The following ZDHHC17 variants were observed in gnomAD, a reference collection of about 807,000 sequenced individuals.
The protein encoded by ZDHHC17 is palmitoyltransferase ZDHHC17.
ZDHHC17 carries 40 observed loss-of-function variants against 90.3 expected under a neutral mutation model. That is an observed-to-expected ratio of 0.44 (90% CI 0.34 to 0.58). The LOEUF is 0.58. Ranked by LOEUF, ZDHHC17 falls within the 20% of genes least tolerant of loss-of-function variation. The pLI, the probability that ZDHHC17 is intolerant of heterozygous loss-of-function variation, is 0.01. For synonymous variants in ZDHHC17, 235 were observed against 252.4 expected, an observed-to-expected ratio of 0.93 and a Z score of 0.65; for missense variants, 614 against 780.8, an observed-to-expected ratio of 0.79 and a Z score of 2.55.
intron 1 of ZDHHC17, among the ~76,000 whole-genome samples, chr12:76,791,928 G>A (rs1320683502): frequency 2.6e-5 from 4 of 152,156 alleles, no homozygotes; most frequent in African/African-American, 9.7e-5. Context: ...GAGATGTATG[G>A]GAGGAGGTCT....
intron 10 of ZDHHC17, among the ~76,000 whole-genome samples, chr12:76,832,325 A>T (rs1953313565): frequency 6.6e-6 from 1 of 152,208 alleles, no homozygotes. Context: ...TGCTTTTACC[A>T]CTTTTCTTGT....
rs987185073 is a variant in ZDHHC17, at chr12:76,834,237, T to C, written c.1141+5747T>C. On this transcript the variant is annotated intron_variant, in intron 10 of 16. Coordinates refer to ENST00000426126, the MANE Select transcript of ZDHHC17 (RefSeq NM_015336.4). ...AATTTTTTCTCTGACTATGCTTCTT[T>C]TATTATAATTAAACAAATCTAAAAT... Among the ~76,000 whole-genome samples, 4 of 152,326 alleles carry C rather than the reference T, an allele frequency of 2.6e-5. No homozygotes were observed. In the East Asian group the frequency reaches 7.7e-4, roughly 29 times the overall value.
At chr12:76,808,969 T>C in intron 3 of ZDHHC17, 74 bp from the exon 4 acceptor site, 1 of 910,656 alleles carries the variant, frequency 1.1e-6, no homozygotes, top group Non-Finnish European at 1.6e-6. Flanking sequence ...AAACATGTAT[T>C]TACATATTTT....
intron 1 of ZDHHC17, among the ~76,000 whole-genome samples, chr12:76,773,961 A>G (rs961004480): frequency 5.9e-5 from 9 of 152,322 alleles, no homozygotes; most frequent in South Asian, 2.1e-4. Flanking sequence ...GGTAAAATAT[A>G]CTTCTGGCTG....
rs1292346923 is a variant in ZDHHC17, at chr12:76,815,968, C to A, written c.720C>A (p.Val240=). The part of the protein sequence containing the change: ...HWAVLAGNTT[V]ISLLLEAGAN... ...CAGTGCTAGCAGGGAATACCACAGT[C>A]ATTAGCCTTCTTCTGGAAGCTGGAG... Residue 240 remains valine, a synonymous_variant, in exon 7 of 17, where the codon GTC becomes GTA. Coordinates refer to ENST00000426126, the MANE Select transcript of ZDHHC17 (RefSeq NM_015336.4). The A allele has an allele frequency of 1.3e-6, 2 of 1,572,898 alleles. No homozygotes were observed. Among genetic ancestry groups the A allele is most frequent in the East Asian group, 2.3e-5 (1 of 43,438 alleles).
In ZDHHC17 at chr12:76,764,261, A is replaced by G. The variant is rs1952399016; in HGVS notation, c.25A>G (p.Thr9Ala). The G allele has an allele frequency of 6.2e-7, 1 of 1,606,156 alleles. No homozygotes were observed. The highest frequency in any genetic ancestry group is 8.5e-7 in the Non-Finnish European group (1 of 1,176,436). MQREEGFN[T>A]KMADGPDEYD... ...CATGCAGCGGGAGGAGGGATTTAAC[A>G]CCAAGATGGCGGACGGCCCGGATGA... The change falls in exon 1 of 17, where the codon ACC becomes GCC. Residue 9 changes from threonine (T) to alanine (A), a missense_variant. By Grantham distance (58) the Thr-to-Ala change is moderately conservative. Transcript: ENST00000426126.
intron 1 of ZDHHC17, among the ~76,000 whole-genome samples, chr12:76,776,661 A>G (rs990043690): frequency 2.6e-5 from 4 of 152,198 alleles, no homozygotes; most frequent in African/African-American, 7.2e-5. Context: ...TTTAAATTTA[A>G]TTAAAATGAA....
At chr12:76,848,452 G>A (rs918600115) in intron 15 of ZDHHC17, 62 bp downstream of exon 15, 21 of 1,526,108 alleles carry the variant, frequency 1.4e-5, no homozygotes, top group Middle Eastern at 3.5e-4. Flanking sequence ...TTGCATAAAA[G>A]ATAATAATAT....
chr12:76,846,260 G>C (rs752388092), intron 13 of ZDHHC17: 2 of 271,156 alleles, frequency 7.4e-6, no homozygotes, highest in Non-Finnish European at 1.4e-5. Flanking sequence ...CTCTGTTGAA[G>C]AGAAACCTTT....
At chr12:76,823,085 T>A (rs1953185436) in intron 8 of ZDHHC17, among the ~76,000 whole-genome samples, 1 of 152,164 alleles carries the variant, frequency 6.6e-6, no homozygotes, top group African/African-American at 2.4e-5. Flanking sequence ...TATATGAAAT[T>A]ATTTAAATCT....
chr12:76,772,069 C>T (rs1952499021), intron 1 of ZDHHC17, among the ~76,000 whole-genome samples: 1 of 152,182 alleles, frequency 6.6e-6, no homozygotes, highest in Admixed American at 6.5e-5. Flanking sequence ...AGGCACTATC[C>T]TAAACAATTT....
chr12:76,795,426 T>C (rs1952807949), intron 1 of ZDHHC17, among the ~76,000 whole-genome samples: 1 of 152,180 alleles, frequency 6.6e-6, no homozygotes, highest in Non-Finnish European at 1.5e-5. Flanking sequence ...AATACATGTT[T>C]TGTTGGGTAT....
rs1235056111 is a variant in ZDHHC17, at chr12:76,784,706, A to G, written c.94-12728A>G. On this transcript the variant is annotated intron_variant, in intron 1 of 16. Coordinates refer to ENST00000426126, the MANE Select transcript of ZDHHC17 (RefSeq NM_015336.4). Reference sequence around the variant, plus strand: ...TGGGTGCCAAAACCCTTGCATACATATTGGCTGCAGACAGGAGCAGAGTTT... The same window carrying G: ...TGGGTGCCAAAACCCTTGCATACATGTTGGCTGCAGACAGGAGCAGAGTTT... Among the ~76,000 whole-genome samples, 3 of 152,208 alleles carry G rather than the reference A, an allele frequency of 2.0e-5. 1 individual carries two copies. Among genetic ancestry groups the G allele is most frequent in the Non-Finnish European group, 2.9e-5 (2 of 68,032 alleles).
In ZDHHC17 at chr12:76,783,561, A is replaced by G. The variant is rs79515779; in HGVS notation, c.94-13873A>G. 2.6e-3 allele frequency among the ~76,000 whole-genome samples: 402 copies of G among 152,390 alleles called. 10 individuals are homozygous for G. The East Asian group carries it at 0.042, about 16-fold the overall frequency. On this transcript the variant is annotated intron_variant, in intron 1 of 16. Transcript: ENST00000426126. ...CACAACACCTGGGGAATACAGTTCA[A>G]GATGAGATTTGGATGGGGACACAGA...
chr12:76,838,487 T>C (rs977428530), intron 10 of ZDHHC17, among the ~76,000 whole-genome samples: 2 of 152,220 alleles, frequency 1.3e-5, no homozygotes, highest in African/African-American at 4.8e-5. Flanking sequence ...ATGTCTGCCT[T>C]CAGTGTTACA....
chr12:76,822,580 G>C, intron 8 of ZDHHC17, 49 bp downstream of exon 8: 1 of 1,404,902 alleles, frequency 7.1e-7, no homozygotes. Flanking sequence ...TTGAGACGGA[G>C]TTTCGCTCTT....
At chr12:76,767,942 A>T (rs541189778) in intron 1 of ZDHHC17, among the ~76,000 whole-genome samples, 7 of 152,294 alleles carry the variant, frequency 4.6e-5, no homozygotes, top group Middle Eastern at 3.4e-3. Flanking sequence ...TGTGGTGACA[A>T]ACTGAAAATG....
intron 13 of ZDHHC17, 45 bp downstream of exon 13, chr12:76,845,847 C>T (rs747814158): frequency 8.4e-6 from 9 of 1,075,426 alleles, no homozygotes; most frequent in Non-Finnish European, 1.3e-5. Context: ...ATTTAAGTTA[C>T]TTTAGGTAAT....
rs1289236279 is a variant in ZDHHC17, at chr12:76,852,231, T to TA, written c.*1247dup. On this transcript the variant is annotated 3_prime_UTR_variant, in exon 17 of 17. Coordinates refer to ENST00000426126, the MANE Select transcript of ZDHHC17 (RefSeq NM_015336.4). ...ATTGTTTACAGGGTGAGATTTGGTT[T>TA]ATTCATCTTAAGTGCTGTAGCAAAC... The TA allele has an allele frequency of 6.6e-6, 1 of 152,656 alleles. No homozygotes were observed. The highest frequency in any genetic ancestry group is 1.9e-4 in the East Asian group (1 of 5,200). 9.5% of individuals were successfully genotyped at this position (152,656 alleles called of 1,614,324 possible). A position where few individuals can be genotyped will look rare whatever the true frequency, so the allele number is the denominator to read the frequency against.
Sources: gnomAD v4.1 joint callset for allele counts (sites outside exome capture counted in the v4.1 genomes callset) on GRCh38, gnomAD v4.1.1 for gene constraint, MANE v1.5 for transcripts, NCBI Gene and HGNC (gene_info 2026-07-23, HGNC 2026-07-21) for gene names.